Variants in KIF24 observed in about 807,000 individuals in gnomAD.
KIF24 encodes kinesin family member 24, also known as kinesin-like protein KIF24.
Under a neutral mutation model 118.9 loss-of-function variants are expected in KIF24, and 81 were observed. The ratio of observed to expected loss-of-function variants is 0.68; its 90% CI spans 0.57 to 0.82. The LOEUF (loss-of-function observed/expected upper bound fraction) is 0.82. Ranked by LOEUF, KIF24 falls within the 40% of genes least tolerant of loss-of-function variation. The pLI is 0.00. For synonymous variants in KIF24, 599 were observed against 610.0 expected, an observed-to-expected ratio of 0.98 and a Z score of 0.27; for missense variants, 1,560 against 1,661.6, an observed-to-expected ratio of 0.94 and a Z score of 1.06.
At chr9:34,268,148 CTTT>C in intron 8 of KIF24, among the ~76,000 whole-genome samples, 1 of 152,204 alleles carries the variant, frequency 6.6e-6, no homozygotes, top group East Asian at 1.9e-4. Flanking sequence ...AAAAGTATCT[CTTT>C]GAGATACATT....
chr9:34,295,024 A>T (rs1836408923), intron 4 of KIF24, among the ~76,000 whole-genome samples: 1 of 152,236 alleles, frequency 6.6e-6, no homozygotes, highest in South Asian at 2.1e-4. Context: ...CAATTTTTAA[A>T]AAGTTGTTTG....
chr9:34,286,881 T>C (rs1836072246), intron 5 of KIF24, among the ~76,000 whole-genome samples, 177 bp from the exon 6 acceptor site: 1 of 152,114 alleles, frequency 6.6e-6, no homozygotes, highest in South Asian at 2.1e-4. Flanking sequence ...TCAGGGGTGG[T>C]TGTTGATTGT....
intron 6 of KIF24, among the ~76,000 whole-genome samples, chr9:34,283,226 C>T (rs891827592): frequency 6.6e-6 from 1 of 151,478 alleles, no homozygotes; most frequent in Non-Finnish European, 1.5e-5. Context: ...AAAAATTAGC[C>T]GGGTGTAGTG....
chr9:34,267,066 A>G (rs1835324486), intron 8 of KIF24, among the ~76,000 whole-genome samples: 1 of 152,198 alleles, frequency 6.6e-6, no homozygotes, highest in African/African-American at 2.4e-5. Context: ...TACAAACTGT[A>G]TGTCAGGAAA....
intron 3 of KIF24, among the ~76,000 whole-genome samples, chr9:34,299,060 T>C (rs1836593350): frequency 6.6e-6 from 1 of 152,128 alleles, no homozygotes; most frequent in Non-Finnish European, 1.5e-5. Flanking sequence ...ATATATATCA[T>C]TCTTATGTTG....
chr9:34,326,806 T>C (rs1260519454), intron 1 of KIF24, among the ~76,000 whole-genome samples: 2 of 152,146 alleles, frequency 1.3e-5, no homozygotes, highest in South Asian at 2.1e-4. Context: ...AGGAAGTCAT[T>C]AGAGGATCTT....
chr9:34,290,101 T>G (rs1836194519), intron 5 of KIF24, 73 bp downstream of exon 5: 4 of 1,042,882 alleles, frequency 3.8e-6, no homozygotes, highest in African/African-American at 1.6e-5. Flanking sequence ...AAGCCTATGA[T>G]TCAGTGATTC....
At chr9:34,298,500 C>A (rs373023840) in intron 3 of KIF24, among the ~76,000 whole-genome samples, 2 of 150,708 alleles carry the variant, frequency 1.3e-5, no homozygotes, top group East Asian at 2.0e-4. Context: ...GAGCTGAGAT[C>A]GCACCATTGC....
chr9:34,264,354 T>A (rs1835204507), intron 8 of KIF24, among the ~76,000 whole-genome samples: 1 of 151,096 alleles, frequency 6.6e-6, no homozygotes, highest in Non-Finnish European at 1.5e-5. Context: ...AGCTTGAACC[T>A]GGGAAGTAGA....
chr9:34,281,278 G>A (rs1179649580), intron 6 of KIF24, among the ~76,000 whole-genome samples: 1 of 152,024 alleles, frequency 6.6e-6, no homozygotes, highest in Non-Finnish European at 1.5e-5. Context: ...TTCCAGCCTC[G>A]GCCTCCCAAA....
intron 7 of KIF24, among the ~76,000 whole-genome samples, chr9:34,270,965 C>CT (rs1835482024): frequency 1.3e-5 from 2 of 150,814 alleles, no homozygotes; most frequent in Non-Finnish European, 3.0e-5. Context: ...TGTGGTGGTC[C>CT]ATACCTGTAG....
At position 34,257,587 on chromosome 9, in the gene KIF24, G is replaced by A. The variant is rs555071798; in HGVS notation, c.2020C>T (p.Arg674Ter). ...ESAPLCSEKN[R>*]MGNKTVLGWE... ...CCAAGGACAGTTTTGTTGCCCATTC[G>A]ATTTTTCTCAGAGCACAATGGTGCT... The change falls in exon 11 of 13, where the codon CGA becomes TGA. Residue 674 changes from arginine to a stop codon, truncating the protein, a stop_gained. Coordinates refer to ENST00000402558, the MANE Select transcript of KIF24 (RefSeq NM_194313.4). LOFTEE classifies it high-confidence loss of function. 10 of 1,614,028 alleles carry A rather than the reference G, an allele frequency of 6.2e-6. No homozygotes were observed. The highest frequency in any genetic ancestry group is 1.1e-5 in the South Asian group (1 of 91,086).
At chr9:34,295,453 G>C (rs1587948539) in intron 4 of KIF24, among the ~76,000 whole-genome samples, 1 of 152,094 alleles carries the variant, frequency 6.6e-6, no homozygotes, top group South Asian at 2.1e-4. Context: ...GAAGCAGGAG[G>C]ATTGCTTGAG....
chr9:34,319,048 C>T lies in KIF24; in HGVS notation c.-25-7677G>A, dbSNP rs369554991. 33 of 1,279,698 alleles carry T rather than the reference C, an allele frequency of 2.6e-5. No individual in the cohort carries two copies. The East Asian group carries it at 4.4e-4, about 17-fold the overall frequency. 79.3% of individuals were successfully genotyped at this position (1,279,698 alleles called of 1,614,324 possible). ...AGCCACACTGGAATGAGAAATTCCA[C>T]CACAAGATGGTGGAAAACCGTGGCT... On this transcript the variant is annotated intron_variant, in intron 1 of 12. Coordinates refer to ENST00000402558, the MANE Select transcript of KIF24 (RefSeq NM_194313.4).
At chr9:34,333,289 T>C (rs545553787), upstream of KIF24, among the ~76,000 whole-genome samples, 15 of 152,046 alleles carry the variant, frequency 9.9e-5, no homozygotes, top group South Asian at 2.9e-3. Context: ...GTGGAAATGA[T>C]CCCAGCTAGA....
At chr9:34,293,728 A>G (rs1836347938) in intron 4 of KIF24, among the ~76,000 whole-genome samples, 2 of 152,214 alleles carry the variant, frequency 1.3e-5, no homozygotes, top group African/African-American at 4.8e-5. Flanking sequence ...GTAAGCCAAC[A>G]TCGCGCCACT....
intron 1 of KIF24, chr9:34,319,620 C>T (rs976838258): frequency 1.4e-5 from 13 of 897,814 alleles, no homozygotes; most frequent in African/African-American, 1.3e-4. Context: ...GCACCTGGTC[C>T]GGCCTAAGGT....
chr9:34,316,688 T>C (rs116437531), intron 1 of KIF24, among the ~76,000 whole-genome samples: 70 of 152,356 alleles, frequency 4.6e-4, no homozygotes, highest in African/African-American at 1.6e-3. Context: ...CCAAGCACTA[T>C]GTTAGATGCT....
intron 3 of KIF24, among the ~76,000 whole-genome samples, chr9:34,300,850 CAAAAAAAAAAAAA>C (rs57919845): frequency 1.9e-5 from 2 of 105,676 alleles, no homozygotes; most frequent in Admixed American, 2.1e-4. Context: ...CGGCATTTCT[CAAAAAAAAAAAAA>C]AAAAAAAAAA....
Sources: allele counts gnomAD v4.1 joint callset (sites outside exome capture counted in the v4.1 genomes callset), GRCh38; gene constraint gnomAD v4.1.1; transcripts MANE v1.5; gene names NCBI Gene and HGNC (gene_info 2026-07-23, HGNC 2026-07-21).